LIN7A: variants seen among roughly 807,000 people sequenced by gnomAD.
LIN7A encodes protein lin-7 homolog A.
LIN7A carries 25 observed loss-of-function variants against 29.8 expected under a neutral mutation model. The observed-to-expected ratio is 0.84, with a 90% CI of 0.61 to 1.17. The LOEUF is 1.17. Ranked by LOEUF, LIN7A falls within the 50% of genes most tolerant of loss-of-function variation. The pLI is 0.00. For missense variants in LIN7A, 239 were observed against 287.0 expected (o/e 0.83, Z 1.21); for synonymous variants, 118 against 107.5 (o/e 1.10, Z -0.60).
chr12:80,854,485 CCAAA>C (rs1446680618), intron 2 of LIN7A, among the ~76,000 whole-genome samples: 5 of 37,112 alleles, frequency 1.3e-4, no homozygotes, highest in African/African-American at 2.8e-4. Context: ...TGTTGCTAAG[CCAAA>C]AAAAAAAAAA....
At chr12:80,889,981 T>C (rs1245836201) in intron 1 of LIN7A, among the ~76,000 whole-genome samples, 1 of 152,086 alleles carries the variant, frequency 6.6e-6, no homozygotes, top group Non-Finnish European at 1.5e-5. Flanking sequence ...AATTGTTTCT[T>C]CTCCTCCAGC....
intron 4 of LIN7A, among the ~76,000 whole-genome samples, chr12:80,833,389 C>A (rs1872463557): frequency 6.6e-6 from 1 of 152,204 alleles, no homozygotes; most frequent in South Asian, 2.1e-4. Flanking sequence ...ATTTTCAAAT[C>A]TTTTCCTTTC....
intron 1 of LIN7A, among the ~76,000 whole-genome samples, chr12:80,913,083 C>G (rs907366061): frequency 6.6e-6 from 1 of 152,182 alleles, no homozygotes; most frequent in Non-Finnish European, 1.5e-5. Context: ...AGGTGACCAT[C>G]TGGGGAAAGC....
intron 2 of LIN7A, among the ~76,000 whole-genome samples, chr12:80,865,487 T>G (rs1482423423): frequency 1.3e-5 from 2 of 152,182 alleles, no homozygotes; most frequent in Non-Finnish European, 2.9e-5. Context: ...GGGATGAGAT[T>G]AACAATAGCT....
intron 2 of LIN7A, among the ~76,000 whole-genome samples, chr12:80,874,766 G>T (rs1401603012): frequency 6.6e-6 from 1 of 152,172 alleles, no homozygotes; most frequent in Non-Finnish European, 1.5e-5. Context: ...GGCGGATCAT[G>T]AGGTCAGGAG....
intron 4 of LIN7A, among the ~76,000 whole-genome samples, chr12:80,828,653 A>C (rs569661593): frequency 6.6e-6 from 1 of 152,338 alleles, no homozygotes; most frequent in South Asian, 2.1e-4. Context: ...ATATGAGGAA[A>C]CTGAGACACA....
intron 4 of LIN7A, chr12:80,842,243 T>A: frequency 1.6e-6 from 1 of 616,350 alleles, no homozygotes; most frequent in Non-Finnish European, 2.3e-6. Flanking sequence ...AATAGTTCTG[T>A]GTGTGTATAT....
At chr12:80,921,921 G>T (rs1412509668) in intron 1 of LIN7A, among the ~76,000 whole-genome samples, 1 of 152,210 alleles carries the variant, frequency 6.6e-6, no homozygotes, top group African/African-American at 2.4e-5. Flanking sequence ...TGAGAAGCCA[G>T]AAGGATGCAA....
intron 1 of LIN7A, among the ~76,000 whole-genome samples, chr12:80,896,677 T>C (rs1875916594): frequency 6.6e-6 from 1 of 152,250 alleles, no homozygotes; most frequent in Non-Finnish European, 1.5e-5. Flanking sequence ...ATTTACTCAG[T>C]ATGCTATTGA....
chr12:80,886,573 C>G lies in LIN7A; in HGVS notation c.201+2678G>C, dbSNP rs577726264. On this transcript the variant is annotated intron_variant, in intron 2 of 5. Transcript: ENST00000552864. ...AGCCAAGATGAAGTAATCTTTTACA[C>G]TTCCTGTATAACGTGCATTGCCTTT... Among the ~76,000 whole-genome samples the G allele has an allele frequency of 5.9e-5, 9 of 152,184 alleles. No homozygotes were observed. In the East Asian group the frequency reaches 1.7e-3, roughly 29 times the overall value.
At position 80,854,485 on chromosome 12, in the gene LIN7A, C is replaced by CAAAAAAAA. The variant is rs370465323; in HGVS notation, c.202-6164_202-6163insTTTTTTTT. Among the ~76,000 whole-genome samples, 33 of 37,098 alleles carry CAAAAAAAA rather than the reference C, an allele frequency of 8.9e-4. 9 individuals are homozygous for CAAAAAAAA. The highest frequency in any genetic ancestry group is 1.3e-3 in the East Asian group (1 of 790). The allele number at this position is 37,098 out of a possible 152,430, so 24.3% of individuals were successfully genotyped here. ...TGAATCTGAAATGCATGTTGCTAAG[C>CAAAAAAAA]CAAAAAAAAAAAAAAAAAAAAAAGC... On this transcript the variant is annotated intron_variant, in intron 2 of 5. Coordinates refer to ENST00000552864, the MANE Select transcript of LIN7A (RefSeq NM_004664.4).
intron 1 of LIN7A, among the ~76,000 whole-genome samples, chr12:80,917,626 C>A (rs2120849453): frequency 6.6e-6 from 1 of 151,958 alleles, no homozygotes; most frequent in South Asian, 2.1e-4. Flanking sequence ...TTTAAATAAT[C>A]TTTTTTCAAA....
chr12:80,936,631 G>A (rs1878235455), intron 1 of LIN7A: 1 of 152,456 alleles, frequency 6.6e-6, no homozygotes, highest in Non-Finnish European at 1.5e-5. Flanking sequence ...TTCATCACTG[G>A]ACGCTGGAGC....
intron 1 of LIN7A, among the ~76,000 whole-genome samples, chr12:80,922,553 C>T (rs958472452): frequency 6.6e-6 from 1 of 152,166 alleles, no homozygotes; most frequent in Non-Finnish European, 1.5e-5. Context: ...TCTTGGTTCA[C>T]TAGCACAGCC....
intron 2 of LIN7A, among the ~76,000 whole-genome samples, chr12:80,887,233 T>G (rs1293175999): frequency 6.6e-6 from 1 of 152,158 alleles, no homozygotes; most frequent in African/African-American, 2.4e-5. Context: ...TTCACAGTGC[T>G]GCCACCTTTG....
chr12:80,877,402 T>C (rs1162632583), intron 2 of LIN7A, among the ~76,000 whole-genome samples: 2 of 152,184 alleles, frequency 1.3e-5, no homozygotes, highest in Non-Finnish European at 2.9e-5. Context: ...AGCAGCATTA[T>C]AGTAAGTGAA....
intron 4 of LIN7A, among the ~76,000 whole-genome samples, chr12:80,837,985 A>G (rs1872657781): frequency 6.6e-6 from 1 of 152,208 alleles, no homozygotes; most frequent in African/African-American, 2.4e-5. Context: ...GTTGAATGAA[A>G]GAAAAGCATT....
intron 1 of LIN7A, among the ~76,000 whole-genome samples, chr12:80,906,376 G>A (rs1876475456): frequency 1.3e-5 from 2 of 152,214 alleles, no homozygotes; most frequent in Non-Finnish European, 2.9e-5. Context: ...TCTCAGTGTA[G>A]AGAAGTGAGA....
chr12:80,931,605 T>C (rs1299277014), intron 1 of LIN7A, among the ~76,000 whole-genome samples: 2 of 142,102 alleles, frequency 1.4e-5, no homozygotes, highest in Non-Finnish European at 3.0e-5. Flanking sequence ...ACCACCACAC[T>C]CCTGCCTGGG....
Sources: gnomAD v4.1 joint callset for allele counts (sites outside exome capture counted in the v4.1 genomes callset) on GRCh38, gnomAD v4.1.1 for gene constraint, MANE v1.5 for transcripts, NCBI Gene and HGNC (gene_info 2026-07-23, HGNC 2026-07-21) for gene names.